JMJD8: variants seen among roughly 807,000 people sequenced by gnomAD.
JMJD8 encodes jmjC domain-containing protein 8.
JMJD8 carries 56 observed loss-of-function variants against 37.6 expected under a neutral mutation model. That is an observed-to-expected ratio of 1.49 (90% CI 1.20 to 1.86). JMJD8 has a LOEUF of 1.86. Ranked by LOEUF, JMJD8 falls within the 40% of genes most tolerant of loss-of-function variation. The pLI is 0.00. For missense variants in JMJD8, 542 were observed against 362.7 expected, an observed-to-expected ratio of 1.49 and a Z score of -4.01; for synonymous variants, 261 against 163.7, an observed-to-expected ratio of 1.59 and a Z score of -4.54.
Position 682,288 on chromosome 16 carries a change from C to A in JMJD8, c.*506G>T. ...CATCGAGGAGCACCTGCAGGTGAGG[C>A]CTGCGGCTGGGGGAGCAGGGCCAGT... On this transcript the variant is annotated 3_prime_UTR_variant, in exon 9 of 9. Transcript: ENST00000609261. The A allele has an allele frequency of 4.1e-6, 2 of 493,642 alleles. No homozygotes were observed. The highest frequency in any genetic ancestry group is 4.9e-6 in the Non-Finnish European group (2 of 410,568). The allele number at this position is 493,642 out of a possible 1,614,324, so 30.6% of individuals were successfully genotyped here. A position where few individuals can be genotyped will look rare whatever the true frequency, so the allele number is the denominator to read the frequency against.
chr16:682,545 G>A lies in JMJD8; in HGVS notation c.*249C>T, dbSNP rs199785249. 783 of 1,607,710 alleles carry A rather than the reference G, an allele frequency of 4.9e-4. 13 individuals are homozygous for A. The South Asian group carries it at 6.5e-3, about 13-fold the overall frequency. Reference sequence around the variant, plus strand: ...AGGGGAGCCCTGGGCAGAAGCCCCCGGCCCCTATACATAGTTTATGTTCCT... The same window carrying A: ...AGGGGAGCCCTGGGCAGAAGCCCCCAGCCCCTATACATAGTTTATGTTCCT... On this transcript the variant is annotated 3_prime_UTR_variant, in exon 9 of 9. Coordinates refer to ENST00000609261, the MANE Select transcript of JMJD8 (RefSeq NM_001005920.4).
In JMJD8 at chr16:682,695, T is replaced by C; in HGVS notation, c.*99A>G. On this transcript the variant is annotated 3_prime_UTR_variant, in exon 9 of 9. Coordinates refer to ENST00000609261, the MANE Select transcript of JMJD8 (RefSeq NM_001005920.4). ...GCTGGAAAAGCAGGTGAGGGTGGGC[T>C]GGGCTGAGGCCATTGCCGCCACTAT... 6.8e-7 allele frequency: 1 copy of C among 1,467,602 alleles called. No homozygotes were observed. The allele number at this position is 1,467,602 out of a possible 1,614,324, so 90.9% of individuals were successfully genotyped here.
In JMJD8 at chr16:684,304, G is replaced by A; in HGVS notation, c.16C>T (p.Arg6Trp). The A allele has an allele frequency of 6.7e-7, 1 of 1,483,542 alleles. No homozygotes were observed. The highest frequency in any genetic ancestry group is 8.9e-7 in the Non-Finnish European group (1 of 1,124,880). 91.9% of individuals were successfully genotyped at this position (1,483,542 alleles called of 1,614,324 possible). Residue 6 changes from arginine to tryptophan, a missense_variant, in exon 1 of 9, where the codon CGG becomes TGG. Arg to Trp is a moderately radical substitution (Grantham distance 101, BLOSUM62 -3). Coordinates refer to ENST00000609261, the MANE Select transcript of JMJD8 (RefSeq NM_001005920.4). MAPASRLLALWALAAV... is the reference protein window; with the variant it reads MAPASWLLALWALAAV... ...GCCAGCGCCCAGAGCGCGAGCAACC[G>A]CGACGCCGGCGCCATGAGCCTGCCG...
At position 683,566 on chromosome 16, in the gene JMJD8, G is replaced by A. The variant is rs763016662; in HGVS notation, c.355C>T (p.Leu119=). Residue 119 remains leucine, a synonymous_variant, in exon 5 of 9, where the codon CTG becomes TTG. Transcript: ENST00000609261. ...GAGGTGGGGTCCTGGGGGTGCAGCA[G>A]CTGCTCCACATACTCCTGGAAGGGC... ...DLPFQEYVEQ[L]LHPQDPTSLG... is the part of the protein sequence containing the mutation. 50 of 1,574,580 alleles carry A rather than the reference G, an allele frequency of 3.2e-5. 1 individual carries two copies. The Admixed American group carries it at 3.3e-4, about 10-fold the overall frequency.
chr16:683,784 G>T lies in JMJD8; in HGVS notation c.226-3C>A. The T allele has an allele frequency of 6.2e-7, 1 of 1,602,918 alleles. No individual in the cohort carries two copies. Among genetic ancestry groups the T allele is most frequent in the Non-Finnish European group, 8.5e-7 (1 of 1,175,500 alleles). ...CGGGAGCACAGGGCCCGGAACCTCT[G>T]CGGGGGCGGGGAGGGGACTTAGTGG... is the stretch of plus-strand genomic sequence containing the variant. On this transcript the variant is annotated splice_polypyrimidine_tract_variant and splice_region_variant and intron_variant, in intron 3 of 8. Transcript: ENST00000609261.
Position 681,865 on chromosome 16 carries a change from C to T in JMJD8, c.*929G>A. The T allele has an allele frequency of 1.2e-6, 2 of 1,612,848 alleles. No individual in the cohort carries two copies. Among genetic ancestry groups the T allele is most frequent in the Non-Finnish European group, 1.7e-6 (2 of 1,179,956 alleles). On this transcript the variant is annotated 3_prime_UTR_variant, in exon 9 of 9. Coordinates refer to ENST00000609261, the MANE Select transcript of JMJD8 (RefSeq NM_001005920.4). Reference sequence around the variant, plus strand: ...GCCACGTCCGGGCCCAGCAGGCCTGCATTGAGGCCAAGCACGTGAGGGTGC... The same window carrying T: ...GCCACGTCCGGGCCCAGCAGGCCTGTATTGAGGCCAAGCACGTGAGGGTGC...
In JMJD8 at chr16:682,861, G is replaced by T; in HGVS notation, c.728C>A (p.Pro243His). 6.2e-7 allele frequency: 1 copy of T among 1,613,062 alleles called. No individual in the cohort carries two copies. Among genetic ancestry groups the T allele is most frequent in the South Asian group, 1.1e-5 (1 of 91,068 alleles). Residue 243 changes from proline to histidine, a missense_variant, in exon 9 of 9, where the codon CCC (proline) becomes CAC (histidine). Pro to His is a moderately conservative substitution (Grantham distance 77). Transcript: ENST00000609261. ...GAGCGTAGCATGCCACCAGCGGTCG[G>T]GGAAGTACAGCACCTGGTGGAGGAA... ...TIRAGEVLYF[P>H]DRWWHATLNL...
Position 682,111 on chromosome 16 carries a change from G to T in JMJD8, c.*683C>A. 6.3e-7 allele frequency: 1 copy of T among 1,583,776 alleles called. No homozygotes were observed. Among genetic ancestry groups the T allele is most frequent in the Non-Finnish European group, 8.6e-7 (1 of 1,158,306 alleles). ...TGTCGCTTGCTGCCGATGGCTGGCA[G>T]GTGCTCGTGCAGTGCCCCTTTTCAG... On this transcript the variant is annotated 3_prime_UTR_variant, in exon 9 of 9. Transcript: ENST00000609261.
At position 684,283 on chromosome 16, in the gene JMJD8, G is replaced by A. The variant is rs997436739; in HGVS notation, c.37C>T (p.Leu13=). The A allele has an allele frequency of 8.9e-6, 13 of 1,456,740 alleles. No individual in the cohort carries two copies. The highest frequency in any genetic ancestry group is 2.9e-5 in the East Asian group (1 of 34,102). The allele number at this position is 1,456,740 out of a possible 1,614,324, so 90.2% of individuals were successfully genotyped here. Residue 13 remains leucine (L), a synonymous_variant, in exon 1 of 9, where the codon CTG becomes TTG. Coordinates refer to ENST00000609261, the MANE Select transcript of JMJD8 (RefSeq NM_001005920.4). ...GAGCCGGGTAGAGCCACAGCCGCCA[G>A]CGCCCAGAGCGCGAGCAACCGCGAC... ...PASRLLALWA[L]AAVALPGSGA... is the part of the protein sequence containing the mutation.
rs772026031 is a variant in JMJD8, at chr16:683,106, G to A, written c.580-19C>T. ...ACCAGCGCTGGGGGCATGAGCAGCAGTGTCACCCTTGCCCGTTTTGGTCAG... is the reference window on the plus strand; with the variant it reads ...ACCAGCGCTGGGGGCATGAGCAGCAATGTCACCCTTGCCCGTTTTGGTCAG... On this transcript the variant is annotated intron_variant, in intron 7 of 8. Coordinates refer to ENST00000609261, the MANE Select transcript of JMJD8 (RefSeq NM_001005920.4). 2 of 1,613,588 alleles carry A rather than the reference G, an allele frequency of 1.2e-6. No homozygotes were observed. The highest frequency in any genetic ancestry group is 2.7e-5 in the African/African-American group (2 of 75,036).
rs1037791729 is a variant in JMJD8 at position 682,784 on chromosome 16, G to C, written c.*10C>G. ...TGGTGTGTGACCGGCAGTCCTGCCA[G>C]CTGTTTTGGCTAGCCGAGGAAGGTG... is the stretch of plus-strand genomic sequence containing the variant. On this transcript the variant is annotated 3_prime_UTR_variant, in exon 9 of 9. Coordinates refer to ENST00000609261, the MANE Select transcript of JMJD8 (RefSeq NM_001005920.4). 1 of 1,612,796 alleles carries C rather than the reference G, an allele frequency of 6.2e-7. No individual in the cohort carries two copies. The highest frequency in any genetic ancestry group is 8.5e-7 in the Non-Finnish European group (1 of 1,179,636).
rs11863733 is a variant in JMJD8 at position 683,515 on chromosome 16, C to T, written c.391+15G>A. On this transcript the variant is annotated intron_variant, in intron 5 of 8. Coordinates refer to ENST00000609261, the MANE Select transcript of JMJD8 (RefSeq NM_001005920.4). ...AAGCGTCCCCACCCCCTACCGCCGC[C>T]TAGGGCTGCCTCACCATTGCCCAGG... The T allele has an allele frequency of 1.3e-6, 2 of 1,548,322 alleles. No homozygotes were observed. Among genetic ancestry groups the T allele is most frequent in the South Asian group, 2.4e-5 (2 of 83,762 alleles).
chr16:684,171 G>T lies in JMJD8; in HGVS notation c.87-16C>A. The T allele has an allele frequency of 7.3e-7, 1 of 1,362,916 alleles. No homozygotes were observed. Among genetic ancestry groups the T allele is most frequent in the Non-Finnish European group, 9.4e-7 (1 of 1,067,776 alleles). The allele number at this position is 1,362,916 out of a possible 1,614,324, so 84.4% of individuals were successfully genotyped here. A position where few individuals can be genotyped will look rare whatever the true frequency, so the allele number is the denominator to read the frequency against. On this transcript the variant is annotated splice_polypyrimidine_tract_variant and intron_variant, in intron 1 of 8. Coordinates refer to ENST00000609261, the MANE Select transcript of JMJD8 (RefSeq NM_001005920.4). ...GCCCGGGCGCCTGCGGGCACAGCTGGGTCAGCCCGCGCCCCGCCCGCCGCA... is the reference window on the plus strand; with the variant it reads ...GCCCGGGCGCCTGCGGGCACAGCTGTGTCAGCCCGCGCCCCGCCCGCCGCA...
At position 682,558 on chromosome 16, in the gene JMJD8, A is replaced by G. The variant is rs2039714749; in HGVS notation, c.*236T>C. 1.3e-6 allele frequency: 2 copies of G among 1,597,288 alleles called. No individual in the cohort carries two copies. The highest frequency in any genetic ancestry group is 1.3e-5 in the African/African-American group (1 of 74,518). On this transcript the variant is annotated 3_prime_UTR_variant, in exon 9 of 9. Coordinates refer to ENST00000609261, the MANE Select transcript of JMJD8 (RefSeq NM_001005920.4). ...GCAGAAGCCCCCGGCCCCTATACAT[A>G]GTTTATGTTCCTGGCCACCCCGACC... is the stretch of plus-strand genomic sequence containing the variant.
In JMJD8 at chr16:683,601, G is replaced by T. The variant is rs375641145; in HGVS notation, c.323-3C>A. 6 of 1,576,942 alleles carry T rather than the reference G, an allele frequency of 3.8e-6. No homozygotes were observed. Among genetic ancestry groups the T allele is most frequent in the Non-Finnish European group, 5.2e-6 (6 of 1,161,652 alleles). ...ATACTCCTGGAAGGGCAAGTCCACT[G>T]CAGGAAAGAGACGGGTCAGGACCGT... is the stretch of plus-strand genomic sequence containing the variant. On this transcript the variant is annotated splice_polypyrimidine_tract_variant and splice_region_variant and intron_variant, in intron 4 of 8. Transcript: ENST00000609261.
rs1567281407 is a variant in JMJD8 at position 681,979 on chromosome 16, G to A, written c.*815C>T. On this transcript the variant is annotated 3_prime_UTR_variant, in exon 9 of 9. Coordinates refer to ENST00000609261, the MANE Select transcript of JMJD8 (RefSeq NM_001005920.4). The stretch of plus-strand genomic sequence containing the variant: ...GGTCTGTGCCCCATGGAGGAGGGAG[G>A]TGGGGTGTCTCCCCCAAGCACAGCA... 3.7e-6 allele frequency: 6 copies of A among 1,611,896 alleles called. No individual in the cohort carries two copies. The highest frequency in any genetic ancestry group is 1.1e-5 in the South Asian group (1 of 90,958).
At chr16:683,259 A>G in intron 6 of JMJD8, 25 bp from the exon 7 acceptor site, 1 of 1,613,010 alleles carries the variant, frequency 6.2e-7, no homozygotes, top group Middle Eastern at 1.6e-4. Context: ...GCACCTGGTG[A>G]CCAACCCATT....
chr16:684,203 C>G (rs1208052728), intron 1 of JMJD8, 31 bp downstream of exon 1: 4 of 1,307,058 alleles, frequency 3.1e-6, no homozygotes, highest in Non-Finnish European at 3.9e-6. Flanking sequence ...CGCACGTGAC[C>G]CCACCGCCCG....
rs887755423 is a variant in JMJD8 at position 683,925 on chromosome 16, G to C, written c.177-16C>G. Reference sequence around the variant, plus strand: ...GAAGGCGTACCTGGAAAGAAGGGCAGAGTCGCGGCCAGGCCGGACCGCCAG... The same window carrying C: ...GAAGGCGTACCTGGAAAGAAGGGCACAGTCGCGGCCAGGCCGGACCGCCAG... On this transcript the variant is annotated splice_polypyrimidine_tract_variant and intron_variant, in intron 2 of 8. Coordinates refer to ENST00000609261, the MANE Select transcript of JMJD8 (RefSeq NM_001005920.4). 9 of 1,570,404 alleles carry C rather than the reference G, an allele frequency of 5.7e-6. No individual in the cohort carries two copies. The highest frequency in any genetic ancestry group is 1.4e-5 in the African/African-American group (1 of 74,024).
Sources: allele counts gnomAD v4.1 joint callset, GRCh38; gene constraint gnomAD v4.1.1; transcripts MANE v1.5; gene names NCBI Gene and HGNC (gene_info 2026-07-23, HGNC 2026-07-21).